Variants in DISC1 observed in about 807,000 individuals in gnomAD.
DISC1 encodes the protein DISC1 scaffold protein.
DISC1 carries 57 observed loss-of-function variants against 84.5 expected under a neutral mutation model. That is an observed-to-expected ratio of 0.67 (90% CI 0.55 to 0.84). The LOEUF is 0.84. Ranked by LOEUF, DISC1 falls within the 40% of genes least tolerant of loss-of-function variation. DISC1 has a pLI of 0.00. For missense variants in DISC1, 1,000 were observed against 1,057.8 expected (o/e 0.95, Z 0.76); for synonymous variants, 411 against 415.2 (o/e 0.99, Z 0.12).
At chr1:231,700,164 T>G (rs770465086) in intron 2 of DISC1, among the ~76,000 whole-genome samples, 114 of 152,200 alleles carry the variant, frequency 7.5e-4, no homozygotes, top group Non-Finnish European at 1.5e-3. Context: ...ATTAATCACT[T>G]GCTAAGGTGC....
rs1319692019 is a variant in DISC1 at position 231,821,793 on chromosome 1, A to C, written c.1981+3276A>C. Among the ~76,000 whole-genome samples, 3 of 149,650 alleles carry C rather than the reference A, an allele frequency of 2.0e-5. No homozygotes were observed. The East Asian group carries it at 6.0e-4, about 30-fold the overall frequency. ...TAATGGTGCGATCTCTGCTCACTGC[A>C]ACCTCCGTCTCCCAGGTTCAAGCGA... is the stretch of plus-strand genomic sequence containing the variant. On this transcript the variant is annotated intron_variant, in intron 9 of 12. Transcript: ENST00000439617.
At chr1:231,865,979 A>G (rs2085027080) in intron 9 of DISC1, among the ~76,000 whole-genome samples, 1 of 152,208 alleles carries the variant, frequency 6.6e-6, no homozygotes, top group Admixed American at 6.5e-5. Flanking sequence ...TTCTAGGCAG[A>G]CTATAGTTCA....
intron 1 of DISC1, 57 bp from the exon 2 acceptor site, chr1:231,693,769 C>A (rs908354402): frequency 1.2e-6 from 2 of 1,610,094 alleles, no homozygotes; most frequent in African/African-American, 2.7e-5. Context: ...AGATGCAGTT[C>A]CAGCTGGGCC....
chr1:231,962,553 G>T (rs1016344707), intron 10 of DISC1, among the ~76,000 whole-genome samples: 3 of 152,260 alleles, frequency 2.0e-5, no homozygotes, highest in Admixed American at 6.5e-5. Context: ...GGGCTAAACT[G>T]TAAGGCTACA....
At chr1:231,865,360 C>T (rs886654159) in intron 9 of DISC1, among the ~76,000 whole-genome samples, 1 of 152,212 alleles carries the variant, frequency 6.6e-6, no homozygotes, top group Non-Finnish European at 1.5e-5. Flanking sequence ...GATTGTGTTA[C>T]ACTGGTTTGT....
At chr1:231,939,806 G>A (rs1048917285) in intron 9 of DISC1, among the ~76,000 whole-genome samples, 8 of 151,568 alleles carry the variant, frequency 5.3e-5, no homozygotes, top group East Asian at 3.9e-4. Flanking sequence ...GCAGTGGCGC[G>A]ATCTCAGCTC....
intron 2 of DISC1, among the ~76,000 whole-genome samples, chr1:231,699,431 A>T (rs572752017): frequency 6.6e-6 from 1 of 152,312 alleles, no homozygotes; most frequent in South Asian, 2.1e-4. Context: ...TCAGAAAAAA[A>T]AACCCAAAAA....
intron 9 of DISC1, among the ~76,000 whole-genome samples, chr1:231,949,267 G>A (rs199898678): frequency 2.7e-4 from 41 of 152,114 alleles, no homozygotes; most frequent in Non-Finnish European, 5.4e-4. Context: ...TACTAGCCGG[G>A]GCACGTTGTC....
intron 11 of DISC1, among the ~76,000 whole-genome samples, chr1:232,011,460 G>A (rs1668011889): frequency 6.6e-6 from 1 of 152,148 alleles, no homozygotes; most frequent in South Asian, 2.1e-4. Flanking sequence ...CCCTGTTCCT[G>A]TATCGCAGTG....
intron 9 of DISC1, among the ~76,000 whole-genome samples, chr1:231,956,827 C>G (rs1325895405): frequency 2.0e-5 from 3 of 152,178 alleles, no homozygotes; most frequent in Non-Finnish European, 2.9e-5. Flanking sequence ...TATTCTAAGA[C>G]CATCACCCAG....
intron 9 of DISC1, among the ~76,000 whole-genome samples, chr1:231,865,065 T>C (rs1221644389): frequency 3.9e-5 from 6 of 152,152 alleles, no homozygotes; most frequent in Non-Finnish European, 8.8e-5. Flanking sequence ...AGATCACCTA[T>C]TGAGTCCCTG....
intron 3 of DISC1, among the ~76,000 whole-genome samples, chr1:231,704,759 CAA>C (rs146300199): frequency 0.017 from 412 of 24,224 alleles, no homozygotes; most frequent in African/African-American, 0.051. Flanking sequence ...GACTCCGTCT[CAA>C]AAAAAAAAAA....
chr1:231,915,383 G>A, intron 9 of DISC1, among the ~76,000 whole-genome samples: 1 of 152,178 alleles, frequency 6.6e-6, no homozygotes, highest in East Asian at 1.9e-4. Flanking sequence ...CTTAAGGAAG[G>A]TCCCCAGAAG....
At chr1:231,746,881 A>G (rs2074042637) in intron 3 of DISC1, among the ~76,000 whole-genome samples, 1 of 152,120 alleles carries the variant, frequency 6.6e-6, no homozygotes, top group South Asian at 2.1e-4. Flanking sequence ...GTAGTTTGCA[A>G]ACATTTTCTC....
intron 4 of DISC1, among the ~76,000 whole-genome samples, chr1:231,761,163 G>T (rs1170298350): frequency 6.6e-6 from 1 of 152,110 alleles, no homozygotes; most frequent in African/African-American, 2.4e-5. Context: ...TGACACTGTG[G>T]GTTCCGGGTG....
chr1:232,009,224 AG>A lies in DISC1; in HGVS notation c.2307+176del. 4.2e-6 allele frequency: 6 copies of A among 1,418,436 alleles called. No individual in the cohort carries two copies. Among genetic ancestry groups the A allele is most frequent in the Non-Finnish European group, 4.6e-6 (5 of 1,089,678 alleles). 87.9% of individuals were successfully genotyped at this position (1,418,436 alleles called of 1,614,324 possible). A position where few individuals can be genotyped will look rare whatever the true frequency, so the allele number is the denominator to read the frequency against. ...CAAAATAAAGTAGAATTTTTGTAGA[AG>A]TTTGAAATATAGAAGAGCAAAAAAA... On this transcript the variant is annotated intron_variant, in intron 11 of 12. Coordinates refer to ENST00000439617, the MANE Select transcript of DISC1 (RefSeq NM_018662.3). This position sits in a 1 kb window ranked among gnomAD's most constrained non-coding sequence, Gnocchi z 4.6.
chr1:231,652,818 C>T (rs1469686676), intron 1 of DISC1, among the ~76,000 whole-genome samples: 1 of 152,126 alleles, frequency 6.6e-6, no homozygotes. Context: ...CTCGCTCTGT[C>T]GCCCAGGCTG....
chr1:231,739,231 A>C (rs1451037572), intron 3 of DISC1, among the ~76,000 whole-genome samples: 1 of 152,246 alleles, frequency 6.6e-6, no homozygotes, highest in Admixed American at 6.5e-5. Context: ...ATTCCAGTGC[A>C]AGTCATTAGA....
intron 9 of DISC1, among the ~76,000 whole-genome samples, chr1:231,907,338 C>G (rs2088818785): frequency 6.6e-6 from 1 of 151,250 alleles, no homozygotes; most frequent in Admixed American, 6.6e-5. Context: ...CACAACAGGC[C>G]CCAGTGTGTG....
Sources: allele counts gnomAD v4.1 joint callset (sites outside exome capture counted in the v4.1 genomes callset), GRCh38; gene constraint gnomAD v4.1.1; non-coding constraint Gnocchi (gnomAD v3.1); transcripts MANE v1.5; gene names NCBI Gene and HGNC (gene_info 2026-07-23, HGNC 2026-07-21).